Variants in FBXW7 observed in about 807,000 individuals in gnomAD.
The protein encoded by FBXW7 is F-box/WD repeat-containing protein 7.
A neutral mutation model predicts 86.3 loss-of-function variants in FBXW7; 11 were observed. The ratio of observed to expected loss-of-function variants is 0.13; its 90% CI spans 0.08 to 0.21. FBXW7 has a LOEUF of 0.21. Among genes scored for constraint, FBXW7 ranks in the 10% least tolerant of loss-of-function variants. The probability of loss-of-function intolerance (pLI) is 1.00; values close to 1 mark genes in which losing one functional copy is unlikely to be tolerated. For synonymous variants in FBXW7, 313 were observed against 297.9 expected, an observed-to-expected ratio of 1.05 and a Z score of -0.52; for missense variants, 488 against 847.4, an observed-to-expected ratio of 0.58 and a Z score of 5.27.
intron 2 of FBXW7, among the ~76,000 whole-genome samples, chr4:152,440,761 C>G (rs1184026936): frequency 2.0e-5 from 3 of 152,086 alleles, no homozygotes; most frequent in African/African-American, 7.2e-5. Flanking sequence ...GAGATGTAAT[C>G]TAAGCATTCC....
At chr4:152,474,796 G>A (rs1744248844) in intron 2 of FBXW7, among the ~76,000 whole-genome samples, 1 of 152,110 alleles carries the variant, frequency 6.6e-6, no homozygotes, top group Non-Finnish European at 1.5e-5. Flanking sequence ...CTCTCAAGTA[G>A]CTGGGACTAC....
Position 152,411,579 on chromosome 4 carries a change from T to C in FBXW7, c.225A>G (p.Gly75=), listed in dbSNP as rs774008234. The change falls in exon 4 of 14, where the codon GGA becomes GGG. Residue 75 remains glycine (G), a synonymous_variant. Coordinates refer to ENST00000281708, the MANE Select transcript of FBXW7 (RefSeq NM_001349798.2). ...ATCTATTATTGTTTTCTTCCAACTGTCCTTGCTGGGAATCATTTTGGCCTC... is the reference window on the plus strand; with the variant it reads ...ATCTATTATTGTTTTCTTCCAACTGCCCTTGCTGGGAATCATTTTGGCCTC... The part of the protein sequence containing the change: ...RPGGQNDSQQ[G]QLEENNNRFI... 1.3e-5 allele frequency: 21 copies of C among 1,613,858 alleles called. No homozygotes were observed. Among genetic ancestry groups the C allele is most frequent in the Admixed American group, 6.7e-5 (4 of 59,968 alleles).
chr4:152,337,647 C>G lies in FBXW7; in HGVS notation c.861+155G>C, dbSNP rs146762751. ...TGACAATTACATTATTAAGTCATGG[C>G]AATTTATCAATTTACAGCCCTCTTT... On this transcript the variant is annotated intron_variant, in intron 7 of 13. Transcript: ENST00000281708. 4.7e-4 allele frequency: 307 copies of G among 659,248 alleles called. 1 individual carries two copies. In the African/African-American group the frequency reaches 5.4e-3, roughly 12 times the overall value. The allele number at this position is 659,248 out of a possible 1,614,324, so 40.8% of individuals were successfully genotyped here.
chr4:152,359,030 A>G (rs1732673113), intron 4 of FBXW7, among the ~76,000 whole-genome samples: 1 of 152,222 alleles, frequency 6.6e-6, no homozygotes, highest in Admixed American at 6.5e-5. Flanking sequence ...TGCAAAAAGT[A>G]TGTATGTAAA....
At chr4:152,426,475 G>C (rs570661656) in intron 2 of FBXW7, among the ~76,000 whole-genome samples, 28 of 152,046 alleles carry the variant, frequency 1.8e-4, no homozygotes, top group African/African-American at 6.8e-4. Context: ...TCAGCCTCCA[G>C]AGTAGCTGGG....
At chr4:152,497,789 T>C (rs1333624671) in intron 2 of FBXW7, among the ~76,000 whole-genome samples, 1 of 152,164 alleles carries the variant, frequency 6.6e-6, no homozygotes, top group Non-Finnish European at 1.5e-5. Flanking sequence ...TAGATAAAAT[T>C]ACAGTAAGTA....
At chr4:152,445,932 A>C (rs969607326) in intron 2 of FBXW7, among the ~76,000 whole-genome samples, 45 of 150,086 alleles carry the variant, frequency 3.0e-4, no homozygotes, top group Admixed American at 1.1e-3. Context: ...AAAAAAAAAA[A>C]AAAAAAAAAA....
chr4:152,525,331 G>A (rs1364730392), intron 2 of FBXW7, among the ~76,000 whole-genome samples: 2 of 152,122 alleles, frequency 1.3e-5, no homozygotes, highest in East Asian at 3.9e-4. Flanking sequence ...TTTTATTTTA[G>A]GTTTCGGGGT....
chr4:152,512,713 T>A (rs1748092567), intron 2 of FBXW7, among the ~76,000 whole-genome samples: 1 of 152,250 alleles, frequency 6.6e-6, no homozygotes, highest in Non-Finnish European at 1.5e-5. Flanking sequence ...GGAAGTAGAT[T>A]AGTGGTTGCC....
chr4:152,339,064 A>G (rs1250550727), intron 6 of FBXW7, among the ~76,000 whole-genome samples: 1 of 152,218 alleles, frequency 6.6e-6, no homozygotes, highest in Non-Finnish European at 1.5e-5. Context: ...TGTGGAATCT[A>G]CAATGAACTT....
intron 2 of FBXW7, among the ~76,000 whole-genome samples, chr4:152,451,136 A>G (rs1480827578): frequency 3.3e-5 from 5 of 152,262 alleles, no homozygotes; most frequent in Admixed American, 6.5e-5. Flanking sequence ...ATTGTTTATG[A>G]AAAAGTTTAT....
chr4:152,490,182 G>T lies in FBXW7; in HGVS notation c.-120+44759C>A, dbSNP rs536889503. 7.2e-5 allele frequency among the ~76,000 whole-genome samples: 11 copies of T among 152,146 alleles called. No homozygotes were observed. In the South Asian group the frequency reaches 2.3e-3, roughly 32 times the overall value. ...CCAGGAAATCAGGGGAGGAAAGATG[G>T]GAGTTATTGTTTAATGGGTATCAAG... On this transcript the variant is annotated intron_variant, in intron 2 of 13. Transcript: ENST00000281708.
intron 2 of FBXW7, among the ~76,000 whole-genome samples, chr4:152,442,803 T>C (rs191428651): frequency 1.1e-4 from 16 of 152,330 alleles, no homozygotes; most frequent in African/African-American, 2.6e-4. Flanking sequence ...GTATCAGGGA[T>C]AAGAACATGG....
intron 2 of FBXW7, among the ~76,000 whole-genome samples, chr4:152,438,479 AC>A (rs1740589700): frequency 6.6e-6 from 1 of 152,106 alleles, no homozygotes. Context: ...GGAGTTCGAG[AC>A]CAACTTGGCC....
In FBXW7 at chr4:152,326,175, T is replaced by C; in HGVS notation, c.1475A>G (p.Gln492Arg). 6.2e-7 allele frequency: 1 copy of C among 1,613,250 alleles called. No homozygotes were observed. Among genetic ancestry groups the C allele is most frequent in the East Asian group, 2.2e-5 (1 of 44,866 alleles). ...ATGACCCATCAAAACATGTAAACAC[T>C]GGCCTGTCTCAATATCCCAAACCCT... is the stretch of plus-strand genomic sequence containing the variant. ...TLRVWDIETG[Q>R]CLHVLMGHVA... Residue 492 changes from glutamine to arginine, a missense_variant, in exon 12 of 14, where the codon CAG becomes CGG. Gln to Arg is a conservative substitution (Grantham distance 43, BLOSUM62 1). Around this residue, in one of 4 missense-constraint regions of FBXW7, gnomAD observed 142 missense variants for 406.6 expected, o/e 0.35. Coordinates refer to ENST00000281708, the MANE Select transcript of FBXW7 (RefSeq NM_001349798.2).
chr4:152,335,042 T>C (rs1578903759), intron 7 of FBXW7, among the ~76,000 whole-genome samples: 1 of 152,170 alleles, frequency 6.6e-6, no homozygotes, highest in Non-Finnish European at 1.5e-5. Context: ...AAAAAGAGAA[T>C]AGCAATTAGT....
Position 152,528,702 on chromosome 4 carries a change from G to A in FBXW7, c.-120+6239C>T, listed in dbSNP as rs1310579788. Among the ~76,000 whole-genome samples, 4 of 152,072 alleles carry A rather than the reference G, an allele frequency of 2.6e-5. No homozygotes were observed. In the East Asian group the frequency reaches 5.8e-4, roughly 22 times the overall value. ...TCCCATAGTGTTCAGAAAATGTCACGTACTTTGAGAAAATACATTCCATTT... is the reference window on the plus strand; with the variant it reads ...TCCCATAGTGTTCAGAAAATGTCACATACTTTGAGAAAATACATTCCATTT... On this transcript the variant is annotated intron_variant, in intron 2 of 13. Coordinates refer to ENST00000281708, the MANE Select transcript of FBXW7 (RefSeq NM_001349798.2).
At chr4:152,376,847 C>T (rs1734572718) in intron 4 of FBXW7, among the ~76,000 whole-genome samples, 1 of 151,564 alleles carries the variant, frequency 6.6e-6, no homozygotes, top group Non-Finnish European at 1.5e-5. Context: ...TACAAAAAGA[C>T]ACAGGACAAA....
intron 2 of FBXW7, among the ~76,000 whole-genome samples, chr4:152,484,676 T>C (rs1745186416): frequency 6.6e-6 from 1 of 152,300 alleles, no homozygotes. Context: ...CAAAGGAATA[T>C]ATAGAATGGG....
Sources: allele counts gnomAD v4.1 joint callset (sites outside exome capture counted in the v4.1 genomes callset), GRCh38; gene constraint gnomAD v4.1.1; regional missense constraint gnomAD v4.1.1; transcripts MANE v1.5; gene names NCBI Gene and HGNC (gene_info 2026-07-23, HGNC 2026-07-21).